CYREN: variants seen among roughly 807,000 people sequenced by gnomAD.
CYREN encodes cell cycle regulator of non-homologous end joining.
A neutral mutation model predicts 9.7 loss-of-function variants in CYREN; 7 were observed. The observed-to-expected ratio is 0.72, with a 90% CI of 0.41 to 1.36. CYREN has a LOEUF of 1.36. Among genes scored for constraint, CYREN ranks in the 40% most tolerant of loss-of-function variants. The pLI, the probability that CYREN is intolerant of heterozygous loss-of-function variation, is 0.01. For missense variants in CYREN, 215 were observed against 198.1 expected, an observed-to-expected ratio of 1.09 and a Z score of -0.51; for synonymous variants, 76 against 77.9, an observed-to-expected ratio of 0.98 and a Z score of 0.13.
intron 2 of CYREN, among the ~76,000 whole-genome samples, chr7:135,111,449 T>G (rs1052762458): frequency 1.3e-5 from 2 of 152,202 alleles, no homozygotes; most frequent in Non-Finnish European, 2.9e-5. Flanking sequence ...CTTTAAACTA[T>G]TTCCCTTGAT....
chr7:135,118,918 GGAAA>G (rs1826716442), intron 2 of CYREN, among the ~76,000 whole-genome samples: 1 of 151,996 alleles, frequency 6.6e-6, no homozygotes, highest in Non-Finnish European at 1.5e-5. Context: ...TACAAATAGA[GGAAA>G]GAGTCAGTGA....
At chr7:135,110,280 G>A (rs140703971) in intron 2 of CYREN, among the ~76,000 whole-genome samples, 82 of 152,282 alleles carry the variant, frequency 5.4e-4, no homozygotes, top group Admixed American at 2.1e-3. Flanking sequence ...ATCTGCAGAC[G>A]GTCACTGCTC....
At chr7:135,164,241 A>T (rs908440595), downstream of CYREN, among the ~76,000 whole-genome samples, 26 of 152,148 alleles carry the variant, frequency 1.7e-4, no homozygotes, top group Non-Finnish European at 3.2e-4. Flanking sequence ...CTAATGACTT[A>T]TTTGCAAATA....
At chr7:135,099,144 A>G (rs1306061401) in intron 2 of CYREN, among the ~76,000 whole-genome samples, 1 of 151,462 alleles carries the variant, frequency 6.6e-6, no homozygotes, top group African/African-American at 2.4e-5. Flanking sequence ...TAATTATTAT[A>G]TGTTAGACTA....
At chr7:135,116,935 G>C (rs935279198) in intron 2 of CYREN, among the ~76,000 whole-genome samples, 19 of 152,154 alleles carry the variant, frequency 1.2e-4, no homozygotes, top group Admixed American at 8.5e-4. Context: ...GGCTTCTTCA[G>C]CTCCAAGTCT....
intron 2 of CYREN, among the ~76,000 whole-genome samples, chr7:135,123,439 G>A (rs182512962): frequency 3.3e-5 from 5 of 152,204 alleles, no homozygotes; most frequent in East Asian, 1.9e-4. Flanking sequence ...TGAGGGAGAC[G>A]GAGAATGGAA....
intron 2 of CYREN, among the ~76,000 whole-genome samples, chr7:135,157,308 G>C (rs577032874): frequency 6.6e-6 from 1 of 152,192 alleles, no homozygotes; most frequent in Non-Finnish European, 1.5e-5. Context: ...GCAGTCGTGT[G>C]ATCTTTCTAT....
chr7:135,102,668 C>T (rs1824027930), intron 2 of CYREN, among the ~76,000 whole-genome samples: 2 of 151,218 alleles, frequency 1.3e-5, no homozygotes, highest in Admixed American at 1.3e-4. Flanking sequence ...GGTTTTACCC[C>T]ATCTCCCATC....
At chr7:135,135,472 A>C (rs1829305811) in intron 2 of CYREN, 2 of 378,282 alleles carry the variant, frequency 5.3e-6, no homozygotes, top group African/African-American at 2.1e-5. Flanking sequence ...ATATGGAAAA[A>C]TATTAAAGCA....
At chr7:135,145,312 C>T (rs905634421) in intron 2 of CYREN, among the ~76,000 whole-genome samples, 4 of 152,170 alleles carry the variant, frequency 2.6e-5, no homozygotes, top group Admixed American at 2.6e-4. Context: ...AAATTCTCTT[C>T]AGTGTACCCA....
chr7:135,109,378 T>C (rs1225892084), intron 2 of CYREN, among the ~76,000 whole-genome samples: 1 of 152,192 alleles, frequency 6.6e-6, no homozygotes, highest in African/African-American at 2.4e-5. Flanking sequence ...GTTGTAGAGC[T>C]GCTATTGGCT....
intron 2 of CYREN, among the ~76,000 whole-genome samples, chr7:135,155,662 G>A (rs1450567571): frequency 1.3e-5 from 2 of 152,212 alleles, no homozygotes; most frequent in South Asian, 2.1e-4. Flanking sequence ...ACCAACCGGG[G>A]CAAAATAGCA....
chr7:135,140,508 A>G (rs975930141), intron 2 of CYREN, among the ~76,000 whole-genome samples: 4 of 152,164 alleles, frequency 2.6e-5, no homozygotes, highest in Non-Finnish European at 4.4e-5. Context: ...TAATCTGCAG[A>G]GAGATAGTTT....
chr7:135,104,971 T>C, intron 2 of CYREN, among the ~76,000 whole-genome samples: 1 of 152,110 alleles, frequency 6.6e-6, no homozygotes, highest in East Asian at 1.9e-4. Context: ...TGATTGCTTT[T>C]GGTGTCCTTG....
intron 2 of CYREN, among the ~76,000 whole-genome samples, chr7:135,155,808 A>C (rs149696693): frequency 6.6e-6 from 1 of 152,346 alleles, no homozygotes; most frequent in Admixed American, 6.5e-5. Flanking sequence ...CTGTGATTGC[A>C]CTACTGTATT....
chr7:135,149,542 T>C (rs1829620964), intron 2 of CYREN, among the ~76,000 whole-genome samples: 1 of 152,220 alleles, frequency 6.6e-6, no homozygotes, highest in Non-Finnish European at 1.5e-5. Context: ...AGGATAGATT[T>C]ATAAAAGTGG....
chr7:135,165,225 C>T, downstream of CYREN: 1 of 513,578 alleles, frequency 1.9e-6, no homozygotes, highest in South Asian at 3.5e-5. Context: ...TCCAAGGCTC[C>T]CAAAGACTCC....
chr7:135,160,617 A>G (rs1340449542), intron 2 of CYREN, among the ~76,000 whole-genome samples: 1 of 152,328 alleles, frequency 6.6e-6, no homozygotes, highest in Admixed American at 6.5e-5. Flanking sequence ...TGTGCTGAGC[A>G]TGCATACGAC....
intron 2 of CYREN, among the ~76,000 whole-genome samples, chr7:135,141,774 T>C (rs1228054722): frequency 6.6e-6 from 1 of 152,148 alleles, no homozygotes; most frequent in Non-Finnish European, 1.5e-5. Context: ...TTTCAAAGAA[T>C]TTCTTGATTT....
Sources: gnomAD v4.1 joint callset for allele counts (sites outside exome capture counted in the v4.1 genomes callset) on GRCh38, gnomAD v4.1.1 for gene constraint, MANE v1.5 for transcripts, NCBI Gene and HGNC (gene_info 2026-07-23, HGNC 2026-07-21) for gene names.